ARB2A: variants seen among roughly 807,000 people sequenced by gnomAD.
The protein encoded by ARB2A is ARB2 cotranscriptional regulator A.
At chr5:93,740,578 TA>T in the ARB2A span, 1 of 1,590,564 alleles carries the variant, frequency 6.3e-7, no homozygotes, top group Non-Finnish European at 8.6e-7. Flanking sequence ...CCCTCAGCCC[TA>T]AAATCTGAGG....
chr5:93,999,695 A>G, the ARB2A span, among the ~76,000 whole-genome samples: 3 of 151,964 alleles, frequency 2.0e-5, no homozygotes, highest in Non-Finnish European at 4.4e-5. Context: ...CAAAGCCCAT[A>G]GTTACCTTAG....
At chr5:93,687,842 G>A in the ARB2A span, among the ~76,000 whole-genome samples, 1 of 152,010 alleles carries the variant, frequency 6.6e-6, no homozygotes, top group Non-Finnish European at 1.5e-5. Flanking sequence ...TTTGTAAAAC[G>A]AAGCCTAACT....
the ARB2A span, among the ~76,000 whole-genome samples, chr5:93,831,705 G>T: frequency 3.9e-5 from 6 of 152,124 alleles, no homozygotes; most frequent in East Asian, 9.6e-4. Context: ...GGAAAGTGCC[G>T]GCCAGGCCCA....
the ARB2A span, among the ~76,000 whole-genome samples, chr5:93,870,484 A>G: frequency 6.6e-6 from 1 of 152,220 alleles, no homozygotes; most frequent in Non-Finnish European, 1.5e-5. Context: ...CAGCTCCAGA[A>G]AAGAGGCAAA....
chr5:94,100,595 G>C, the ARB2A span, among the ~76,000 whole-genome samples: 1 of 152,022 alleles, frequency 6.6e-6, no homozygotes, highest in Non-Finnish European at 1.5e-5. Context: ...CCAGCATATA[G>C]ACCAATAGAA....
the ARB2A span, among the ~76,000 whole-genome samples, chr5:93,910,226 C>T: frequency 6.6e-6 from 1 of 150,842 alleles, no homozygotes; most frequent in African/African-American, 2.4e-5. Flanking sequence ...TTACACATTA[C>T]TCTTTATTAC....
At chr5:93,896,539 G>GA in the ARB2A span, among the ~76,000 whole-genome samples, 2 of 151,918 alleles carry the variant, frequency 1.3e-5, no homozygotes, top group Non-Finnish European at 2.9e-5. Flanking sequence ...TGCAAAATCT[G>GA]AAAAAATCCA....
chr5:93,895,711 T>C, the ARB2A span, among the ~76,000 whole-genome samples: 6 of 152,070 alleles, frequency 3.9e-5, no homozygotes, highest in East Asian at 1.9e-4. Flanking sequence ...ACAGAAATCA[T>C]TGAACAAAGT....
At chr5:93,719,823 T>A in the ARB2A span, among the ~76,000 whole-genome samples, 1 of 152,220 alleles carries the variant, frequency 6.6e-6, no homozygotes, top group Non-Finnish European at 1.5e-5. Context: ...TTGGTTCCCT[T>A]CCTTTAAGTA....
chr5:93,656,049 C>G, the ARB2A span, among the ~76,000 whole-genome samples: 1 of 152,168 alleles, frequency 6.6e-6, no homozygotes, highest in East Asian at 1.9e-4. Context: ...TGTGTCTCCT[C>G]CCAGTGCCTA....
At chr5:93,852,866 T>C in the ARB2A span, among the ~76,000 whole-genome samples, 1 of 152,314 alleles carries the variant, frequency 6.6e-6, no homozygotes, top group Non-Finnish European at 1.5e-5. Flanking sequence ...AGCCTTGTAG[T>C]ATAGTTTGAA....
chr5:93,823,123 C>A, the ARB2A span, among the ~76,000 whole-genome samples: 3 of 152,150 alleles, frequency 2.0e-5, no homozygotes, highest in African/African-American at 7.2e-5. Flanking sequence ...TGATCAACTG[C>A]ACTTTTATCA....
At chr5:93,854,763 C>T in the ARB2A span, among the ~76,000 whole-genome samples, 2 of 152,044 alleles carry the variant, frequency 1.3e-5, no homozygotes, top group African/African-American at 4.8e-5. Flanking sequence ...TGTAGTTGAG[C>T]AGTTTTGAGT....
the ARB2A span, among the ~76,000 whole-genome samples, chr5:93,695,577 A>G: frequency 6.6e-5 from 10 of 152,176 alleles, no homozygotes; most frequent in Non-Finnish European, 1.3e-4. Context: ...ACACTTTTAC[A>G]CTGTTGGTGG....
chr5:94,033,285 G>A, the ARB2A span, among the ~76,000 whole-genome samples: 1 of 152,086 alleles, frequency 6.6e-6, no homozygotes, highest in African/African-American at 2.4e-5. Context: ...CAGATAACTT[G>A]TTTCTTATTT....
chr5:93,941,172 A>G, the ARB2A span, among the ~76,000 whole-genome samples: 1 of 152,086 alleles, frequency 6.6e-6, no homozygotes, highest in African/African-American at 2.4e-5. Flanking sequence ...AAAGTGTCCA[A>G]AGCATTGATT....
chr5:93,792,569 A>G, the ARB2A span, among the ~76,000 whole-genome samples: 9 of 152,132 alleles, frequency 5.9e-5, no homozygotes, highest in African/African-American at 1.7e-4. Flanking sequence ...TTCTCAGTGA[A>G]CTATCGCAAG....
At chr5:93,869,972 G>T in the ARB2A span, among the ~76,000 whole-genome samples, 1 of 152,220 alleles carries the variant, frequency 6.6e-6, no homozygotes, top group Non-Finnish European at 1.5e-5. Flanking sequence ...CTGTTTGGTG[G>T]TCTCTTCACA....
the ARB2A span, among the ~76,000 whole-genome samples, chr5:93,921,682 T>C: frequency 1.3e-5 from 2 of 152,198 alleles, no homozygotes; most frequent in African/African-American, 4.8e-5. Context: ...CTCTACTGTT[T>C]TGTGCACATG....
Sources: allele counts gnomAD v4.1 joint callset (sites outside exome capture counted in the v4.1 genomes callset), GRCh38; gene constraint gnomAD v4.1.1; transcripts MANE v1.5; gene names NCBI Gene and HGNC (gene_info 2026-07-23, HGNC 2026-07-21).